The following DOCK1 variants were observed in gnomAD, a reference collection of about 807,000 sequenced individuals.
DOCK1 encodes dedicator of cytokinesis 1.
A neutral mutation model predicts 262.7 loss-of-function variants in DOCK1; 138 were observed. The observed-to-expected ratio is 0.53, with a 90% confidence interval of 0.46 to 0.61. The LOEUF is 0.61. Ranked by LOEUF, DOCK1 falls within the 20% of genes least tolerant of loss-of-function variation. DOCK1 has a pLI of 0.00. For synonymous variants in DOCK1, 866 were observed against 867.4 expected, an observed-to-expected ratio of 1.00 and a Z score of 0.03; for missense variants, 1,908 against 2,370.7, an observed-to-expected ratio of 0.80 and a Z score of 4.05.
At chr10:127,325,623 C>T (rs1202034333) in intron 29 of DOCK1, among the ~76,000 whole-genome samples, 2 of 152,198 alleles carry the variant, frequency 1.3e-5, no homozygotes. Context: ...ATCCAGCCTT[C>T]CAAATCTCAA....
At chr10:127,255,083 T>C (rs901853283) in intron 28 of DOCK1, among the ~76,000 whole-genome samples, 1 of 152,146 alleles carries the variant, frequency 6.6e-6, no homozygotes, top group African/African-American at 2.4e-5. Flanking sequence ...GCTTATTGTA[T>C]AAGACATCCT....
intron 21 of DOCK1, among the ~76,000 whole-genome samples, chr10:127,051,664 C>A (rs1042499330): frequency 1.3e-5 from 2 of 152,164 alleles, no homozygotes; most frequent in African/African-American, 4.8e-5. Flanking sequence ...CTCACTGCAA[C>A]CTCTGCTTCC....
chr10:127,221,159 T>C, intron 27 of DOCK1, among the ~76,000 whole-genome samples: 1 of 152,240 alleles, frequency 6.6e-6, no homozygotes, highest in East Asian at 1.9e-4. Flanking sequence ...ATCAAGTTGC[T>C]AAGCAATTTC....
At chr10:127,041,891 T>C (rs1162228861) in intron 19 of DOCK1, among the ~76,000 whole-genome samples, 1 of 152,214 alleles carries the variant, frequency 6.6e-6, no homozygotes, top group Non-Finnish European at 1.5e-5. Context: ...TCTCTTCTAA[T>C]ACGAATCATC....
chr10:127,259,431 C>G (rs1467841260), intron 29 of DOCK1, among the ~76,000 whole-genome samples: 1 of 152,166 alleles, frequency 6.6e-6, no homozygotes, highest in Non-Finnish European at 1.5e-5. Context: ...ATAGTGAAAA[C>G]AAGCAAACAC....
intron 10 of DOCK1, chr10:127,000,565 A>G: frequency 2.4e-6 from 1 of 421,750 alleles, no homozygotes; most frequent in East Asian, 4.5e-5. Flanking sequence ...CCTGGGAGTG[A>G]TCCTGACCCA....
intron 22 of DOCK1, among the ~76,000 whole-genome samples, chr10:127,056,985 C>T (rs2045203480): frequency 6.6e-6 from 1 of 152,144 alleles, no homozygotes; most frequent in Non-Finnish European, 1.5e-5. Flanking sequence ...CCCCTGCTCC[C>T]CATCATCCCA....
rs183245546 is a variant in DOCK1, at chr10:126,925,599, G to A, written c.46+20036G>A. The stretch of plus-strand genomic sequence containing the variant: ...GGATTTCACCATGTTGGCCAGGATG[G>A]TCTCGATCTCTTGATCTCGTGATCC... On this transcript the variant is annotated intron_variant, in intron 1 of 51. Transcript: ENST00000623213. Among the ~76,000 whole-genome samples the A allele has an allele frequency of 1.9e-3, 282 of 152,212 alleles. 2 individuals are homozygous for A. Among genetic ancestry groups the A allele is most frequent in the African/African-American group, 6.5e-3 (271 of 41,534 alleles).
intron 25 of DOCK1, among the ~76,000 whole-genome samples, chr10:127,120,045 G>T (rs1349223128): frequency 1.3e-5 from 2 of 152,234 alleles, no homozygotes; most frequent in Non-Finnish European, 2.9e-5. Context: ...GAAGGGCCGT[G>T]AAAGGGTGGC....
chr10:127,032,432 T>A (rs1266244113), intron 18 of DOCK1, 112 bp downstream of exon 18: 1 of 1,136,334 alleles, frequency 8.8e-7, no homozygotes, highest in East Asian at 2.8e-5. Context: ...ACGTCACCCA[T>A]AAGGCATTCA....
intron 29 of DOCK1, among the ~76,000 whole-genome samples, chr10:127,258,628 A>G (rs1159061285): frequency 6.6e-6 from 1 of 152,210 alleles, no homozygotes; most frequent in Non-Finnish European, 1.5e-5. Flanking sequence ...TTTTGGGTGA[A>G]CATGAGTTCG....
intron 29 of DOCK1, among the ~76,000 whole-genome samples, chr10:127,327,001 C>CGTTT (rs753983537): frequency 2.5e-4 from 38 of 152,338 alleles, no homozygotes; most frequent in Admixed American, 5.9e-4. Flanking sequence ...GGGCTTAAAA[C>CGTTT]ATTCAGTAAA....
intron 27 of DOCK1, among the ~76,000 whole-genome samples, chr10:127,130,065 C>CTTTTTTTTTTTTTTTTTTT (rs74721427): frequency 8.5e-6 from 1 of 117,546 alleles, no homozygotes; most frequent in African/African-American, 3.9e-5. Flanking sequence ...TTAGGGTCTT[C>CTTTTTTTTTTTTTTTTTTT]TTTTTTTTTT....
chr10:127,215,046 G>A (rs962403905), intron 27 of DOCK1, among the ~76,000 whole-genome samples: 1 of 152,082 alleles, frequency 6.6e-6, no homozygotes, highest in Admixed American at 6.5e-5. Context: ...CCTGAGCCCT[G>A]CATCTGTTTC....
chr10:126,947,422 G>GGTA (rs2035551187), intron 1 of DOCK1, among the ~76,000 whole-genome samples: 1 of 55,112 alleles, frequency 1.8e-5, no homozygotes, highest in African/African-American at 8.2e-5. Context: ...TGATGGTGGT[G>GGTA]GTTGGTAGTA....
intron 12 of DOCK1, among the ~76,000 whole-genome samples, chr10:127,016,771 A>G (rs1427655590): frequency 1.3e-5 from 2 of 150,266 alleles, no homozygotes; most frequent in Non-Finnish European, 3.0e-5. Context: ...AAACACCACA[A>G]ACACAGACAC....
At chr10:127,188,793 T>G (rs1221837781) in intron 27 of DOCK1, among the ~76,000 whole-genome samples, 1 of 152,244 alleles carries the variant, frequency 6.6e-6, no homozygotes, top group Non-Finnish European at 1.5e-5. Flanking sequence ...GTTCTGTGCT[T>G]TGTGTATGTC....
chr10:126,964,347 T>A (rs1302419535), intron 1 of DOCK1, among the ~76,000 whole-genome samples: 7 of 152,162 alleles, frequency 4.6e-5, no homozygotes, highest in Non-Finnish European at 8.8e-5. Flanking sequence ...CGCAGGGGCC[T>A]ATGGAGGCTT....
intron 23 of DOCK1, among the ~76,000 whole-genome samples, chr10:127,087,641 C>A (rs1312572295): frequency 6.6e-6 from 1 of 152,112 alleles, no homozygotes; most frequent in East Asian, 1.9e-4. Flanking sequence ...GCTGAAGTGT[C>A]CCTGTGCAGT....
Sources: allele counts gnomAD v4.1 joint callset (sites outside exome capture counted in the v4.1 genomes callset), GRCh38; gene constraint gnomAD v4.1.1; transcripts MANE v1.5; gene names NCBI Gene and HGNC (gene_info 2026-07-23, HGNC 2026-07-21).